NKAIN2: variants seen among roughly 807,000 people sequenced by gnomAD.
The protein encoded by NKAIN2 is sodium/potassium transporting ATPase interacting 2, also known as sodium/potassium-transporting ATPase subunit beta-1-interacting protein 2.
A neutral mutation model predicts 32.6 loss-of-function variants in NKAIN2; 14 were observed. The observed-to-expected ratio is 0.43, with a 90% confidence interval of 0.28 to 0.67. The LOEUF is 0.67. Among genes scored for constraint, NKAIN2 ranks in the 30% least tolerant of loss-of-function variants. The probability of loss-of-function intolerance (pLI) is 0.17; values close to 1 mark genes in which losing one functional copy is unlikely to be tolerated. For missense variants in NKAIN2, 198 were observed against 258.3 expected (o/e 0.77, Z 1.60); for synonymous variants, 80 against 87.2 (o/e 0.92, Z 0.46).
At chr6:124,333,213 C>T (rs1177576062) in intron 2 of NKAIN2, among the ~76,000 whole-genome samples, 1 of 152,078 alleles carries the variant, frequency 6.6e-6, no homozygotes, top group African/African-American at 2.4e-5. Context: ...TAAATCTTTT[C>T]TTTTTAATCA....
intron 1 of NKAIN2, among the ~76,000 whole-genome samples, chr6:124,031,214 T>G (rs747591440): frequency 6.6e-6 from 1 of 152,198 alleles, no homozygotes; most frequent in African/African-American, 2.4e-5. Flanking sequence ...CATTCCACTC[T>G]GATCTTCACT....
At chr6:124,169,792 A>T in intron 1 of NKAIN2, among the ~76,000 whole-genome samples, 1 of 152,070 alleles carries the variant, frequency 6.6e-6, no homozygotes, top group East Asian at 1.9e-4. Context: ...TCCTGGTTTT[A>T]CATTCTGCAT....
At chr6:124,717,760 C>A (rs1775821147) in intron 4 of NKAIN2, among the ~76,000 whole-genome samples, 1 of 152,012 alleles carries the variant, frequency 6.6e-6, no homozygotes, top group Admixed American at 6.6e-5. Context: ...CATTAAAGGC[C>A]TACTTTAATG....
At chr6:124,214,768 G>A (rs1461914073) in intron 1 of NKAIN2, among the ~76,000 whole-genome samples, 1 of 152,092 alleles carries the variant, frequency 6.6e-6, no homozygotes, top group Non-Finnish European at 1.5e-5. Flanking sequence ...CTTCAGGGTG[G>A]GGAATACATT....
intron 4 of NKAIN2, among the ~76,000 whole-genome samples, chr6:124,749,429 C>A (rs1431596651): frequency 1.3e-5 from 2 of 151,804 alleles, no homozygotes; most frequent in Non-Finnish European, 2.9e-5. Flanking sequence ...ATTTGGGGAC[C>A]TCACCCTGCC....
chr6:124,111,843 G>C (rs965714025), intron 1 of NKAIN2, among the ~76,000 whole-genome samples: 3 of 151,586 alleles, frequency 2.0e-5, no homozygotes, highest in African/African-American at 7.3e-5. Context: ...AAATTTTACA[G>C]ATTTGTATGT....
chr6:124,566,398 C>T (rs1780912490), intron 3 of NKAIN2, among the ~76,000 whole-genome samples: 1 of 152,042 alleles, frequency 6.6e-6, no homozygotes, highest in Non-Finnish European at 1.5e-5. Context: ...ATGTCTTATT[C>T]CACTTCACAT....
intron 1 of NKAIN2, among the ~76,000 whole-genome samples, chr6:124,205,842 G>T (rs1790850290): frequency 6.6e-6 from 1 of 151,744 alleles, no homozygotes; most frequent in Admixed American, 6.6e-5. Context: ...ATAAATACCT[G>T]CTCTGAATAA....
At chr6:124,251,810 T>G (rs1334306635) in intron 1 of NKAIN2, among the ~76,000 whole-genome samples, 2 of 151,994 alleles carry the variant, frequency 1.3e-5, no homozygotes, top group African/African-American at 4.8e-5. Flanking sequence ...AAATGTTTGA[T>G]ATTACCTAAT....
chr6:124,751,812 C>CAATAAATAAATAAATAAATA (rs10665653), intron 4 of NKAIN2, among the ~76,000 whole-genome samples: 17 of 134,126 alleles, frequency 1.3e-4, no homozygotes, highest in African/African-American at 4.2e-4. Context: ...GACCCCATCT[C>CAATAAATAAATAAATAAATA]AATAAATAAA....
chr6:124,061,616 C>T (rs1172017965), intron 1 of NKAIN2, among the ~76,000 whole-genome samples: 1 of 151,944 alleles, frequency 6.6e-6, no homozygotes, highest in Non-Finnish European at 1.5e-5. Flanking sequence ...CCCTTTTGAT[C>T]CTGTCATGTT....
intron 1 of NKAIN2, among the ~76,000 whole-genome samples, chr6:124,218,073 A>T (rs924332596): frequency 6.6e-6 from 1 of 152,002 alleles, no homozygotes; most frequent in Admixed American, 6.6e-5. Flanking sequence ...AAAAGGCCGT[A>T]TGGCAAAGTG....
chr6:124,791,395 C>T lies in NKAIN2; in HGVS notation c.531C>T (p.Asp177=), dbSNP rs749567983. 1.2e-6 allele frequency: 2 copies of T among 1,601,322 alleles called. No homozygotes were observed. Among genetic ancestry groups the T allele is most frequent in the South Asian group, 2.2e-5 (2 of 90,238 alleles). Residue 177 remains aspartate (D), a synonymous_variant, in exon 5 of 7, where the codon GAC becomes GAT. Coordinates refer to ENST00000368417, the MANE Select transcript of NKAIN2 (RefSeq NM_001040214.3). ...YVVKCITEEE[D]SFDFIGGFDS... is the part of the protein sequence containing the mutation. The stretch of plus-strand genomic sequence containing the variant: ...TGAAATGTATAACTGAAGAAGAGGA[C>T]AGCTGTAAGTATTAAAGCTCTATTC...
At chr6:123,872,206 A>G (rs892679659) in intron 1 of NKAIN2, among the ~76,000 whole-genome samples, 4 of 152,228 alleles carry the variant, frequency 2.6e-5, no homozygotes, top group African/African-American at 9.6e-5. Context: ...AAAGCAATTT[A>G]TTAGGAAGTG....
intron 2 of NKAIN2, among the ~76,000 whole-genome samples, chr6:124,326,683 A>C (rs559926476): frequency 3.0e-4 from 46 of 151,990 alleles, no homozygotes; most frequent in African/African-American, 1.1e-3. Context: ...ACTGCTCTAT[A>C]CTTCTAGATA....
chr6:123,897,754 T>C (rs1774354006), intron 1 of NKAIN2, among the ~76,000 whole-genome samples: 1 of 152,148 alleles, frequency 6.6e-6, no homozygotes, highest in African/African-American at 2.4e-5. Context: ...CTGTTGATTC[T>C]TGAATTAGGA....
intron 4 of NKAIN2, among the ~76,000 whole-genome samples, chr6:124,778,084 T>C (rs964687598): frequency 2.0e-5 from 3 of 152,106 alleles, no homozygotes; most frequent in East Asian, 1.9e-4. Context: ...AACTTCGCTT[T>C]TCTGGGAGAA....
intron 3 of NKAIN2, among the ~76,000 whole-genome samples, chr6:124,454,067 T>G (rs766709828): frequency 1.6e-4 from 22 of 139,806 alleles, no homozygotes; most frequent in African/African-American, 2.3e-4. Context: ...AATTATTTCA[T>G]TGAAATACTT....
At chr6:123,990,784 C>T (rs1165379860) in intron 1 of NKAIN2, among the ~76,000 whole-genome samples, 1 of 152,144 alleles carries the variant, frequency 6.6e-6, no homozygotes, top group Non-Finnish European at 1.5e-5. Flanking sequence ...AGAAATGTTA[C>T]CTTTGCGATA....
Sources: allele counts gnomAD v4.1 joint callset (sites outside exome capture counted in the v4.1 genomes callset), GRCh38; gene constraint gnomAD v4.1.1; transcripts MANE v1.5; gene names NCBI Gene and HGNC (gene_info 2026-07-23, HGNC 2026-07-21).